Variants in FAF1 observed in about 807,000 individuals in gnomAD.
FAF1 encodes the protein Fas associated factor 1.
A neutral mutation model predicts 92.5 loss-of-function variants in FAF1; 25 were observed. The ratio of observed to expected loss-of-function variants is 0.27; its 90% CI spans 0.20 to 0.38. FAF1 has a LOEUF of 0.38. Ranked by LOEUF, FAF1 falls within the 10% of genes least tolerant of loss-of-function variation. The probability of loss-of-function intolerance (pLI) is 1.00; values close to 1 mark genes in which losing one functional copy is unlikely to be tolerated. For missense variants in FAF1, 636 were observed against 793.3 expected, an observed-to-expected ratio of 0.80 and a Z score of 2.38; for synonymous variants, 234 against 273.2, an observed-to-expected ratio of 0.86 and a Z score of 1.42.
At chr1:50,648,043 G>T (rs1464194758) in intron 8 of FAF1, among the ~76,000 whole-genome samples, 1 of 152,152 alleles carries the variant, frequency 6.6e-6, no homozygotes, top group Non-Finnish European at 1.5e-5. Context: ...TGGATAACCT[G>T]AGGTCAGGAG....
intron 8 of FAF1, among the ~76,000 whole-genome samples, chr1:50,653,785 G>A (rs535157914): frequency 3.0e-4 from 45 of 152,132 alleles, no homozygotes; most frequent in Admixed American, 1.2e-3. Context: ...AGAATCAATC[G>A]CTTGAACCCA....
chr1:50,584,609 G>A, intron 10 of FAF1, 76 bp downstream of exon 10: 1 of 1,446,736 alleles, frequency 6.9e-7, no homozygotes, highest in South Asian at 1.3e-5. Context: ...AGATGTTTAA[G>A]TTTAATGTTC....
chr1:50,763,459 C>T (rs943812320), intron 4 of FAF1, among the ~76,000 whole-genome samples: 1 of 152,004 alleles, frequency 6.6e-6, no homozygotes, highest in East Asian at 1.9e-4. Flanking sequence ...ATAGTTCTCA[C>T]CAAATTTGGC....
At chr1:50,860,744 T>TA (rs946304846) in intron 1 of FAF1, among the ~76,000 whole-genome samples, 27 of 151,028 alleles carry the variant, frequency 1.8e-4, no homozygotes, top group Non-Finnish European at 3.1e-4. Flanking sequence ...ATGTATATAT[T>TA]AAAAAAAAAT....
intron 1 of FAF1, among the ~76,000 whole-genome samples, chr1:50,876,185 A>T (rs1483628115): frequency 3.3e-5 from 5 of 152,236 alleles, no homozygotes; most frequent in African/African-American, 1.2e-4. Flanking sequence ...TCTCAAGATG[A>T]AATGGAGTAC....
At chr1:50,623,110 A>T (rs545044408) in intron 8 of FAF1, among the ~76,000 whole-genome samples, 4 of 152,282 alleles carry the variant, frequency 2.6e-5, no homozygotes, top group African/African-American at 7.2e-5. Context: ...ATTTCCTCAG[A>T]TCCTCAAGTA....
At chr1:50,751,771 A>G (rs897331941) in intron 4 of FAF1, among the ~76,000 whole-genome samples, 2 of 152,182 alleles carry the variant, frequency 1.3e-5, no homozygotes, top group African/African-American at 4.8e-5. Flanking sequence ...CTCCCTCCAT[A>G]GTTATAAGAA....
chr1:50,674,475 G>C (rs1434606087), intron 7 of FAF1, among the ~76,000 whole-genome samples: 1 of 152,136 alleles, frequency 6.6e-6, no homozygotes, highest in Non-Finnish European at 1.5e-5. Flanking sequence ...AATTAATAAA[G>C]TTTGCTATAG....
intron 8 of FAF1, 41 bp from the exon 9 acceptor site, chr1:50,596,257 C>T (rs1434485268): frequency 2.9e-6 from 4 of 1,389,600 alleles, no homozygotes; most frequent in Non-Finnish European, 4.1e-6. Context: ...CAAAATACGG[C>T]CATGTTTCAC....
At chr1:50,837,994 C>T (rs991293192) in intron 2 of FAF1, among the ~76,000 whole-genome samples, 3 of 152,030 alleles carry the variant, frequency 2.0e-5, no homozygotes, top group Admixed American at 6.6e-5. Context: ...CGGCCCGCCT[C>T]GGCCTCCCAA....
At chr1:50,654,968 TTTC>T (rs1188164681) in intron 8 of FAF1, among the ~76,000 whole-genome samples, 2 of 149,832 alleles carry the variant, frequency 1.3e-5, no homozygotes, top group African/African-American at 4.9e-5. Context: ...GTTTTAGATA[TTTC>T]TTTTTTTTTT....
chr1:50,534,432 G>A (rs1007005653), intron 15 of FAF1, among the ~76,000 whole-genome samples: 2 of 151,748 alleles, frequency 1.3e-5, no homozygotes, highest in Non-Finnish European at 2.9e-5. Context: ...ACAAGCACAT[G>A]CCACCATACC....
chr1:50,721,881 C>T (rs935710944), intron 6 of FAF1, among the ~76,000 whole-genome samples: 2 of 152,122 alleles, frequency 1.3e-5, no homozygotes, highest in African/African-American at 2.4e-5. Context: ...ACCTTAGCCT[C>T]CCAAAGTGTT....
chr1:50,807,573 G>A (rs540409283), intron 2 of FAF1, among the ~76,000 whole-genome samples: 50 of 152,228 alleles, frequency 3.3e-4, no homozygotes, highest in Admixed American at 2.6e-3. Flanking sequence ...CCAACATTGG[G>A]AATTACAATT....
chr1:50,563,569 A>G (rs1170091234), intron 13 of FAF1, among the ~76,000 whole-genome samples: 2 of 152,224 alleles, frequency 1.3e-5, no homozygotes, highest in Non-Finnish European at 2.9e-5. Flanking sequence ...AAAAACCTCC[A>G]ATTTAGATAT....
intron 2 of FAF1, among the ~76,000 whole-genome samples, chr1:50,827,381 G>A (rs1224780573): frequency 6.6e-6 from 1 of 152,092 alleles, no homozygotes; most frequent in African/African-American, 2.4e-5. Context: ...GGGTTAAATG[G>A]ATTAAGGGTG....
chr1:50,496,456 T>A (rs958728279), intron 15 of FAF1, among the ~76,000 whole-genome samples: 1 of 152,064 alleles, frequency 6.6e-6, no homozygotes, highest in Non-Finnish European at 1.5e-5. Context: ...GTACCAGAAA[T>A]AAAGAGGAAA....
At chr1:50,795,946 A>G (rs955882478) in intron 3 of FAF1, among the ~76,000 whole-genome samples, 3 of 152,018 alleles carry the variant, frequency 2.0e-5, no homozygotes, top group African/African-American at 7.2e-5. Context: ...TTTCTGGGGC[A>G]TGTCTAGTAA....
Position 50,765,400 on chromosome 1 carries a change from A to C in FAF1, c.368-20625T>G, listed in dbSNP as rs1166440586. 2.0e-5 allele frequency among the ~76,000 whole-genome samples: 3 copies of C among 152,196 alleles called. No individual in the cohort carries two copies. The East Asian group carries it at 5.8e-4, about 29-fold the overall frequency. ...CCTTTTTTCAAGGTCATTTGGAAGG[A>C]ATTTATTCCTTAATTTATAGTATTA... On this transcript the variant is annotated intron_variant, in intron 4 of 18. Transcript: ENST00000396153.
Sources: gnomAD v4.1 joint callset for allele counts (sites outside exome capture counted in the v4.1 genomes callset) on GRCh38, gnomAD v4.1.1 for gene constraint, MANE v1.5 for transcripts, NCBI Gene and HGNC (gene_info 2026-07-23, HGNC 2026-07-21) for gene names.